The following CDYL variants were observed in gnomAD, a reference collection of about 807,000 sequenced individuals.
CDYL encodes the protein chromodomain Y like.
CDYL carries 8 observed loss-of-function variants against 47.3 expected under a neutral mutation model. The observed-to-expected ratio is 0.17, with a 90% CI of 0.10 to 0.31. CDYL has a LOEUF of 0.31. Ranked by LOEUF, CDYL falls within the 10% of genes least tolerant of loss-of-function variation. The pLI is 1.00. For synonymous variants in CDYL, 266 were observed against 265.0 expected, an observed-to-expected ratio of 1.00 and a Z score of -0.04; for missense variants, 471 against 701.4, an observed-to-expected ratio of 0.67 and a Z score of 3.71.
At chr6:4,923,548 T>C (rs1757777922) in intron 2 of CDYL, among the ~76,000 whole-genome samples, 1 of 152,212 alleles carries the variant, frequency 6.6e-6, no homozygotes, top group Admixed American at 6.5e-5. Context: ...CAGATGCCTC[T>C]TTGACGTGCT....
chr6:4,811,482 C>G (rs1384921202), intron 1 of CDYL, among the ~76,000 whole-genome samples: 2 of 152,174 alleles, frequency 1.3e-5, no homozygotes, highest in Non-Finnish European at 2.9e-5. Flanking sequence ...GCTGGCAACA[C>G]TAGTTGGCCC....
chr6:4,807,462 T>C (rs138202941), intron 1 of CDYL, among the ~76,000 whole-genome samples: 2 of 152,312 alleles, frequency 1.3e-5, no homozygotes, highest in East Asian at 1.9e-4. Flanking sequence ...ATTCATTCCA[T>C]TGGCCTGCAG....
chr6:4,936,941 C>G (rs1426927516), intron 3 of CDYL, among the ~76,000 whole-genome samples: 3 of 152,144 alleles, frequency 2.0e-5, no homozygotes, highest in Admixed American at 6.5e-5. Context: ...TACTCCATCC[C>G]CAGCATCTCA....
At chr6:4,826,071 A>G (rs1466808643) in intron 1 of CDYL, among the ~76,000 whole-genome samples, 3 of 152,164 alleles carry the variant, frequency 2.0e-5, no homozygotes, top group East Asian at 3.9e-4. Context: ...GTCACTTAAC[A>G]TTTTTGAGTT....
intron 5 of CDYL, among the ~76,000 whole-genome samples, chr6:4,946,526 C>G (rs1758521099): frequency 6.6e-6 from 1 of 152,164 alleles, no homozygotes; most frequent in African/African-American, 2.4e-5. Flanking sequence ...CACAGGGAGT[C>G]CCCCCATGGC....
chr6:4,921,833 T>C (rs1029931196), intron 2 of CDYL, among the ~76,000 whole-genome samples: 22 of 152,140 alleles, frequency 1.4e-4, no homozygotes, highest in Non-Finnish European at 2.1e-4. Flanking sequence ...AAAATACTTA[T>C]TGAGCACCAA....
chr6:4,709,187 C>A (rs1037340824), intron 1 of CDYL, among the ~76,000 whole-genome samples: 3 of 151,880 alleles, frequency 2.0e-5, no homozygotes, highest in Non-Finnish European at 4.4e-5. Context: ...TTCTGCTATT[C>A]ATTGCACCCA....
intron 2 of CDYL, among the ~76,000 whole-genome samples, chr6:4,900,831 CT>C (rs1757029437): frequency 4.6e-5 from 2 of 43,864 alleles, no homozygotes; most frequent in Non-Finnish European, 5.1e-5. Context: ...ATATATATAT[CT>C]TGCCTGTTTT....
intron 4 of CDYL, among the ~76,000 whole-genome samples, chr6:4,939,602 A>G (rs544080265): frequency 1.3e-5 from 2 of 152,136 alleles, no homozygotes; most frequent in South Asian, 4.1e-4. Flanking sequence ...GATCTTATTA[A>G]GTATTGTTTC....
chr6:4,835,654 TTGTC>T (rs1760278676), intron 1 of CDYL, among the ~76,000 whole-genome samples: 1 of 152,218 alleles, frequency 6.6e-6, no homozygotes, highest in African/African-American at 2.4e-5. Flanking sequence ...GTCTTTTTGT[TTGTC>T]TGTGCCCTGC....
intron 2 of CDYL, among the ~76,000 whole-genome samples, chr6:4,920,993 A>ATATG (rs1757696616): frequency 4.6e-5 from 2 of 43,512 alleles, no homozygotes; most frequent in Non-Finnish European, 1.0e-4. Context: ...AGCATGATAC[A>ATATG]TCTGTGTGTG....
chr6:4,713,023 T>C (rs1316708209), intron 1 of CDYL, among the ~76,000 whole-genome samples: 1 of 152,180 alleles, frequency 6.6e-6, no homozygotes, highest in Non-Finnish European at 1.5e-5. Flanking sequence ...TATGCACCTG[T>C]AGATCCAGGA....
At chr6:4,830,622 C>CT (rs1561658402) in intron 1 of CDYL, among the ~76,000 whole-genome samples, 3 of 151,700 alleles carry the variant, frequency 2.0e-5, no homozygotes, top group Admixed American at 6.6e-5. Flanking sequence ...CATTATTATA[C>CT]TTTAAGTTTT....
At chr6:4,933,241 CCT>C (rs1561716385) in intron 2 of CDYL, among the ~76,000 whole-genome samples, 1 of 152,204 alleles carries the variant, frequency 6.6e-6, no homozygotes, top group African/African-American at 2.4e-5. Flanking sequence ...ACCCCAAGTA[CCT>C]CTCTCCAACC....
At chr6:4,889,961 G>A (rs1016631988) in intron 1 of CDYL, 8 of 985,302 alleles carry the variant, frequency 8.1e-6, no homozygotes, top group Non-Finnish European at 9.6e-6. Context: ...GGTCCCCAGG[G>A]ATGCTGGCCC....
intron 3 of CDYL, among the ~76,000 whole-genome samples, chr6:4,753,230 G>T (rs1004725486): frequency 3.9e-5 from 6 of 152,086 alleles, no homozygotes; most frequent in African/African-American, 1.2e-4. Flanking sequence ...TATTTTTAAT[G>T]ATCTTTATTG....
chr6:4,752,264 G>A (rs532370754), intron 3 of CDYL, among the ~76,000 whole-genome samples: 4 of 152,290 alleles, frequency 2.6e-5, no homozygotes, highest in South Asian at 2.1e-4. Context: ...CTGGGCAGCC[G>A]TTCCCTTCCT....
chr6:4,940,537 G>C (rs1328899045), intron 4 of CDYL, among the ~76,000 whole-genome samples: 1 of 152,208 alleles, frequency 6.6e-6, no homozygotes, highest in Non-Finnish European at 1.5e-5. Flanking sequence ...AGGTCACCAG[G>C]TATCTAGAGC....
At chr6:4,753,661 T>C (rs1561837073) in intron 3 of CDYL, among the ~76,000 whole-genome samples, 1 of 152,150 alleles carries the variant, frequency 6.6e-6, no homozygotes, top group Non-Finnish European at 1.5e-5. Context: ...GACCCAACTG[T>C]AAGAAATGCA....
Sources: gnomAD v4.1 joint callset for allele counts (sites outside exome capture counted in the v4.1 genomes callset) on GRCh38, gnomAD v4.1.1 for gene constraint, MANE v1.5 for transcripts, NCBI Gene and HGNC (gene_info 2026-07-23, HGNC 2026-07-21) for gene names.